CCDC146: variants seen among roughly 807,000 people sequenced by gnomAD.
The protein encoded by CCDC146 is coiled-coil domain containing 146, also known as coiled-coil domain-containing protein 146.
A neutral mutation model predicts 119.3 loss-of-function variants in CCDC146; 92 were observed. That is an observed-to-expected ratio of 0.77 (90% CI 0.65 to 0.92). CCDC146 has a LOEUF of 0.92. CCDC146 is among the 40% of genes least tolerant of loss of function. The pLI is 0.00. For missense variants in CCDC146, 1,000 were observed against 1,103.0 expected (o/e 0.91, Z 1.32); for synonymous variants, 372 against 371.8 (o/e 1.00, Z -0.01).
intron 3 of CCDC146, among the ~76,000 whole-genome samples, chr7:77,240,209 A>G (rs897568569): frequency 1.5e-4 from 23 of 152,240 alleles, no homozygotes; most frequent in African/African-American, 5.3e-4. Context: ...ATCATTCTTC[A>G]AAGTCAAGTT....
In CCDC146 at chr7:77,294,727, C is replaced by T. The variant is rs201551775; in HGVS notation, c.2729C>T (p.Pro910Leu). The change falls in exon 19 of 19, where the codon CCG (proline) becomes CTG (leucine). Residue 910 changes from proline to leucine, a missense_variant. This residue lies in a region of CCDC146 where 985 missense variants were observed against 1,045.3 expected (regional missense o/e 0.94). Coordinates refer to ENST00000285871, the MANE Select transcript of CCDC146 (RefSeq NM_020879.3). ...GTTTACACAACTGCAGAGCAGCGTC[C>T]GAATGCCTACATCCCAGAAGCAGAT... is the stretch of plus-strand genomic sequence containing the variant. ...NGVYTTAEQR[P>L]NAYIPEADAT... is the part of the protein sequence containing the mutation. 59 of 1,614,122 alleles carry T rather than the reference C, an allele frequency of 3.7e-5. No individual in the cohort carries two copies. The East Asian group carries it at 9.1e-4, about 25-fold the overall frequency.
intron 1 of CCDC146, 112 bp from the exon 2 acceptor site, chr7:77,167,546 A>G (rs1448845670): frequency 2.5e-6 from 2 of 814,442 alleles, no homozygotes; most frequent in Non-Finnish European, 3.4e-6. Context: ...TTGTAGTTTC[A>G]TTGAACAATA....
rs1554345524 is a variant in CCDC146, at chr7:77,134,563, CTGTGTGTGTG to C, written c.-12+11857_-12+11866del. Among the ~76,000 whole-genome samples the C allele has an allele frequency of 3.4e-3, 474 of 138,920 alleles. 5 individuals are homozygous for C. Among genetic ancestry groups the C allele is most frequent in the African/African-American group, 0.012 (446 of 36,872 alleles). 91.1% of individuals were successfully genotyped at this position (138,920 alleles called of 152,430 possible). A position where few individuals can be genotyped will look rare whatever the true frequency, so the allele number is the denominator to read the frequency against. On this transcript the variant is annotated intron_variant, in intron 1 of 18. Transcript: ENST00000285871. Reference sequence around the variant, plus strand: ...ACTCTGTGTGTGTGTGTGTGTGTGTCTGTGTGTGTGTGTGTGTGTGTGTGTGTGTGTGTGT... The same window carrying C: ...ACTCTGTGTGTGTGTGTGTGTGTGTCTGTGTGTGTGTGTGTGTGTGTGTGT...
At chr7:77,151,268 T>C (rs1791104888) in intron 1 of CCDC146, among the ~76,000 whole-genome samples, 1 of 152,100 alleles carries the variant, frequency 6.6e-6, no homozygotes, top group South Asian at 2.1e-4. Context: ...GATTAAATTT[T>C]AGCATATGAA....
chr7:77,170,978 T>C (rs993441381), intron 2 of CCDC146, among the ~76,000 whole-genome samples: 4 of 152,188 alleles, frequency 2.6e-5, no homozygotes. Context: ...AAACCATGAT[T>C]TCCTTCCTCT....
At chr7:77,139,346 T>C (rs1029816652) in intron 1 of CCDC146, among the ~76,000 whole-genome samples, 2 of 152,206 alleles carry the variant, frequency 1.3e-5, no homozygotes, top group Admixed American at 1.3e-4. Context: ...TAGTGATCAC[T>C]AGGGAGTTTG....
At chr7:77,152,621 T>A (rs1791123205) in intron 1 of CCDC146, among the ~76,000 whole-genome samples, 1 of 152,198 alleles carries the variant, frequency 6.6e-6, no homozygotes, top group Non-Finnish European at 1.5e-5. Flanking sequence ...CAGCATTTCT[T>A]ATCCCAGATT....
At chr7:77,265,107 A>G (rs1793375841) in intron 9 of CCDC146, among the ~76,000 whole-genome samples, 1 of 152,234 alleles carries the variant, frequency 6.6e-6, no homozygotes, top group African/African-American at 2.4e-5. Context: ...GAAGCACAGC[A>G]CGTTAGGATG....
intron 2 of CCDC146, among the ~76,000 whole-genome samples, chr7:77,178,307 T>C (rs1393590281): frequency 6.6e-6 from 1 of 152,216 alleles, no homozygotes; most frequent in East Asian, 1.9e-4. Flanking sequence ...CAGAAGGATG[T>C]TGAAAAGGGG....
rs760659595 is a variant in CCDC146 at position 77,196,903 on chromosome 7, A to G, written c.156+29079A>G. 6.2e-7 allele frequency: 1 copy of G among 1,613,782 alleles called. No homozygotes were observed. Among genetic ancestry groups the G allele is most frequent in the Non-Finnish European group, 8.5e-7 (1 of 1,179,952 alleles). ...AAACTTCAAAGCTACTATTTTTGGG[A>G]TCAGGTGTAACTCTGTAGGTCTCAC... is the stretch of plus-strand genomic sequence containing the variant. On this transcript the variant is annotated intron_variant, in intron 2 of 18. Coordinates refer to ENST00000285871, the MANE Select transcript of CCDC146 (RefSeq NM_020879.3). The surrounding 1 kb of genome is among the most constrained non-coding windows in gnomAD (Gnocchi z 4.2).
chr7:77,130,662 G>T (rs545187088), intron 1 of CCDC146, among the ~76,000 whole-genome samples: 4 of 140,208 alleles, frequency 2.9e-5, no homozygotes, highest in Non-Finnish European at 4.6e-5. Context: ...GCAGTGGCGC[G>T]ATCTCGACTC....
intron 2 of CCDC146, among the ~76,000 whole-genome samples, chr7:77,170,344 A>G (rs1364791510): frequency 2.0e-5 from 3 of 151,842 alleles, no homozygotes; most frequent in African/African-American, 7.3e-5. Context: ...TCTGTGGTGT[A>G]TATATATAAC....
chr7:77,171,903 G>A (rs961216612), intron 2 of CCDC146, among the ~76,000 whole-genome samples: 2 of 152,202 alleles, frequency 1.3e-5, no homozygotes, highest in Non-Finnish European at 2.9e-5. Context: ...CATGCATGTT[G>A]ATCCTCAATC....
intron 9 of CCDC146, among the ~76,000 whole-genome samples, chr7:77,272,127 A>G (rs1316217448): frequency 6.6e-6 from 1 of 152,210 alleles, no homozygotes; most frequent in East Asian, 1.9e-4. Flanking sequence ...ATGAATATTC[A>G]CATCTTCCAG....
At chr7:77,202,547 C>T (rs1792012053) in intron 2 of CCDC146, among the ~76,000 whole-genome samples, 2 of 152,140 alleles carry the variant, frequency 1.3e-5, no homozygotes, top group African/African-American at 2.4e-5. Context: ...AATTCCCTGA[C>T]ATAAGGGTAG....
intron 9 of CCDC146, among the ~76,000 whole-genome samples, chr7:77,265,113 G>A (rs2150521587): frequency 6.6e-6 from 1 of 152,298 alleles, no homozygotes; most frequent in East Asian, 1.9e-4. Flanking sequence ...CAGCACGTTA[G>A]GATGTTAAAT....
At chr7:77,163,921 A>G (rs28434561) in intron 1 of CCDC146, among the ~76,000 whole-genome samples, 78,222 of 145,950 alleles carry the variant, frequency 0.54, 21,181 homozygotes, top group African/African-American at 0.63. Flanking sequence ...GTACAATGGC[A>G]CAATCTCGGC....
At chr7:77,158,996 T>A (rs1369539101) in intron 1 of CCDC146, among the ~76,000 whole-genome samples, 1 of 152,188 alleles carries the variant, frequency 6.6e-6, no homozygotes, top group Non-Finnish European at 1.5e-5. Context: ...AACACGTTAT[T>A]GAGGTATGGT....
chr7:77,257,535 T>C (rs975467994), intron 6 of CCDC146, among the ~76,000 whole-genome samples: 2 of 152,144 alleles, frequency 1.3e-5, no homozygotes, highest in African/African-American at 2.4e-5. Context: ...GCCCCTCACT[T>C]GCATGAACCT....
Sources: gnomAD v4.1 joint callset for allele counts (sites outside exome capture counted in the v4.1 genomes callset) on GRCh38, gnomAD v4.1.1 for gene constraint, gnomAD v4.1.1 regional missense constraint, Gnocchi (gnomAD v3.1) non-coding constraint, MANE v1.5 for transcripts, NCBI Gene and HGNC (gene_info 2026-07-23, HGNC 2026-07-21) for gene names.